PPM1L: variants seen among roughly 807,000 people sequenced by gnomAD.
PPM1L encodes the protein protein phosphatase 1L.
PPM1L carries 13 observed loss-of-function variants against 31.4 expected under a neutral mutation model. The observed-to-expected ratio is 0.41, with a 90% CI of 0.27 to 0.66. The LOEUF (loss-of-function observed/expected upper bound fraction) is 0.66, where lower values mean the gene tolerates loss of function less well. PPM1L is among the 30% of genes least tolerant of loss of function. The probability of loss-of-function intolerance (pLI) is 0.29; values close to 1 mark genes in which losing one functional copy is unlikely to be tolerated. For synonymous variants in PPM1L, 184 were observed against 175.4 expected (o/e 1.05, Z -0.39); for missense variants, 326 against 453.7 (o/e 0.72, Z 2.56).
intron 1 of PPM1L, among the ~76,000 whole-genome samples, chr3:160,809,551 C>T (rs1287047645): frequency 6.6e-6 from 1 of 152,282 alleles, no homozygotes; most frequent in East Asian, 1.9e-4. Flanking sequence ...AGCCTCAGCT[C>T]TCCCCACTCT....
chr3:160,980,738 AAG>A (rs1227940494), intron 2 of PPM1L, among the ~76,000 whole-genome samples: 1 of 150,898 alleles, frequency 6.6e-6, no homozygotes, highest in Non-Finnish European at 1.5e-5. Flanking sequence ...GAGAAAAAGA[AAG>A]AGAAAGAAAG....
intron 2 of PPM1L, among the ~76,000 whole-genome samples, chr3:160,971,444 A>G (rs1716340195): frequency 6.6e-6 from 1 of 152,140 alleles, no homozygotes; most frequent in Admixed American, 6.6e-5. Flanking sequence ...GTGCATTTGT[A>G]TGTGTGCTCA....
intron 1 of PPM1L, among the ~76,000 whole-genome samples, chr3:160,880,503 CATA>C (rs1712674919): frequency 6.6e-6 from 1 of 151,954 alleles, no homozygotes. Flanking sequence ...GAGGCTTTGT[CATA>C]ATGTTTTACT....
At chr3:160,811,119 G>T (rs767739970) in intron 1 of PPM1L, among the ~76,000 whole-genome samples, 7 of 152,208 alleles carry the variant, frequency 4.6e-5, no homozygotes, top group South Asian at 2.1e-4. Flanking sequence ...AATATGCAAA[G>T]GCATGGAAAT....
chr3:161,060,206 C>T (rs1719528196), intron 2 of PPM1L, among the ~76,000 whole-genome samples: 1 of 152,062 alleles, frequency 6.6e-6, no homozygotes, highest in South Asian at 2.1e-4. Flanking sequence ...GAAGATGTCA[C>T]ATTTGAGCTA....
intron 2 of PPM1L, among the ~76,000 whole-genome samples, chr3:161,047,426 A>G (rs547162236): frequency 2.2e-3 from 334 of 152,262 alleles, no homozygotes; most frequent in African/African-American, 7.9e-3. Flanking sequence ...ACTGCTCAAC[A>G]AAATAAAAGA....
intron 1 of PPM1L, among the ~76,000 whole-genome samples, chr3:160,941,683 C>G (rs957563969): frequency 6.6e-6 from 1 of 152,108 alleles, no homozygotes; most frequent in Non-Finnish European, 1.5e-5. Flanking sequence ...TTCCCAGTCT[C>G]GGGTATGTTT....
At chr3:160,797,007 AG>A (rs1712268208) in intron 1 of PPM1L, among the ~76,000 whole-genome samples, 1 of 152,174 alleles carries the variant, frequency 6.6e-6, no homozygotes, top group Non-Finnish European at 1.5e-5. Flanking sequence ...CTCCAAGTAC[AG>A]GTACACCTTG....
intron 1 of PPM1L, among the ~76,000 whole-genome samples, chr3:160,954,924 T>TTTCTTTCCTTCCTTCC (rs1382723720): frequency 2.3e-5 from 2 of 85,932 alleles, no homozygotes; most frequent in African/African-American, 3.9e-5. Context: ...TCCTTCCTTC[T>TTTCTTTCCTTCCTTCC]TTCCTTCCTT....
intron 1 of PPM1L, among the ~76,000 whole-genome samples, chr3:160,814,133 T>TA (rs1712893926): frequency 6.6e-6 from 1 of 152,212 alleles, no homozygotes; most frequent in South Asian, 2.1e-4. Context: ...TACAACCTTT[T>TA]ATGGCCTAGA....
chr3:160,941,418 C>T (rs1310488509), intron 1 of PPM1L, among the ~76,000 whole-genome samples: 1 of 152,148 alleles, frequency 6.6e-6, no homozygotes, highest in African/African-American at 2.4e-5. Context: ...AATTGTATCT[C>T]CCAGAATTCC....
intron 1 of PPM1L, among the ~76,000 whole-genome samples, chr3:160,910,765 TTAAG>T (rs1443556805): frequency 3.3e-5 from 5 of 152,220 alleles, no homozygotes; most frequent in African/African-American, 1.2e-4. Flanking sequence ...TAAGTTCTTA[TTAAG>T]TGTTTCTTTT....
chr3:161,068,966 A>C lies in PPM1L; in HGVS notation c.892A>C (p.Ile298Leu), dbSNP rs746363521. The C allele has an allele frequency of 8.1e-6, 13 of 1,614,186 alleles. No homozygotes were observed. Among genetic ancestry groups the C allele is most frequent in the Non-Finnish European group, 1.1e-5 (13 of 1,180,030 alleles). Residue 298 changes from isoleucine to leucine, a missense_variant, in exon 4 of 4, where the codon ATC (isoleucine) becomes CTC (leucine). By Grantham distance (5) the Ile-to-Leu change is conservative. Transcript: ENST00000498165. ...DLDKLQPEFM[I>L]LASDGLWDAF... is the part of the protein sequence containing the mutation. ...GGACAAGCTTCAGCCTGAGTTCATGATCTTGGCATCAGATGGTCTCTGGGA... is the reference window on the plus strand; with the variant it reads ...GGACAAGCTTCAGCCTGAGTTCATGCTCTTGGCATCAGATGGTCTCTGGGA...
chr3:160,976,517 G>T (rs566980999), intron 2 of PPM1L, among the ~76,000 whole-genome samples: 346 of 149,704 alleles, frequency 2.3e-3, no homozygotes, highest in African/African-American at 8.4e-3. Flanking sequence ...ACTCCTTTTG[G>T]TTGGTAAGCT....
In PPM1L at chr3:160,977,533, A is replaced by G. The variant is rs574011234; in HGVS notation, c.574+15623A>G. On this transcript the variant is annotated intron_variant, in intron 2 of 3. Transcript: ENST00000498165. The stretch of plus-strand genomic sequence containing the variant: ...TCAAAATAACACCTGTACTTAACTG[A>G]CTTATTCCTTACCTGAGTCACTCTG... 2.8e-4 allele frequency among the ~76,000 whole-genome samples: 42 copies of G among 152,264 alleles called. No individual in the cohort carries two copies. In the South Asian group the frequency reaches 7.7e-3, roughly 28 times the overall value.
intron 1 of PPM1L, among the ~76,000 whole-genome samples, chr3:160,857,591 A>T (rs1711756979): frequency 6.6e-6 from 1 of 152,154 alleles, no homozygotes. Flanking sequence ...ATTCATTTAT[A>T]TTCTACTGTT....
chr3:161,060,515 T>A (rs1424106795), intron 2 of PPM1L, among the ~76,000 whole-genome samples: 1 of 152,112 alleles, frequency 6.6e-6, no homozygotes, highest in Non-Finnish European at 1.5e-5. Flanking sequence ...TGGAAGGGTT[T>A]AAGAGATATT....
intron 1 of PPM1L, among the ~76,000 whole-genome samples, chr3:160,778,942 T>A (rs189050536): frequency 6.6e-6 from 1 of 152,316 alleles, no homozygotes; most frequent in African/African-American, 2.4e-5. Context: ...TATTTCTTTT[T>A]TACCTTTTTG....
At chr3:160,933,432 C>T (rs1360443907) in intron 1 of PPM1L, among the ~76,000 whole-genome samples, 1 of 152,128 alleles carries the variant, frequency 6.6e-6, no homozygotes, top group Non-Finnish European at 1.5e-5. Context: ...TATCTTCAGA[C>T]ACCTGATGAT....
Sources: allele counts gnomAD v4.1 joint callset (sites outside exome capture counted in the v4.1 genomes callset), GRCh38; gene constraint gnomAD v4.1.1; transcripts MANE v1.5; gene names NCBI Gene and HGNC (gene_info 2026-07-23, HGNC 2026-07-21).